ZNF584: variants seen among roughly 807,000 people sequenced by gnomAD.
ZNF584 encodes zinc finger protein 584.
ZNF584 carries 12 observed loss-of-function variants against 14.7 expected under a neutral mutation model. The observed-to-expected ratio is 0.82, with a 90% CI of 0.52 to 1.32. The LOEUF is 1.32. ZNF584 is among the 40% of genes most tolerant of loss of function. The pLI is 0.00. For missense variants in ZNF584, 478 were observed against 518.8 expected (o/e 0.92, Z 0.76); for synonymous variants, 204 against 190.9 (o/e 1.07, Z -0.57).
At chr19:58,410,778 ATTTTTTTTTTTTTTTTT>A (rs869150389) in intron 2 of ZNF584, among the ~76,000 whole-genome samples, 1 of 8,948 alleles carries the variant, frequency 1.1e-4, no homozygotes. Flanking sequence ...TATATATATA[ATTTTTTTTTTTTTTTTT>A]TTTTTTTTTT....
upstream of ZNF584, among the ~76,000 whole-genome samples, chr19:58,403,953 C>T (rs911708934): frequency 8.5e-5 from 11 of 129,580 alleles, no homozygotes; most frequent in African/African-American, 3.2e-4. Flanking sequence ...AGAGCAACTC[C>T]GTCTCAAAAA....
At position 58,416,886 on chromosome 19, in the gene ZNF584, A is replaced by C. The variant is rs1249220951; in HGVS notation, c.368A>C (p.Asp123Ala). 6 of 1,609,452 alleles carry C rather than the reference A, an allele frequency of 3.7e-6. No homozygotes were observed. The highest frequency in any genetic ancestry group is 5.1e-6 in the Non-Finnish European group (6 of 1,177,714). The change falls in exon 4 of 4, where the codon GAC becomes GCC. Residue 123 changes from aspartate to alanine, a missense_variant. Asp to Ala is a moderately radical substitution (Grantham distance 126). Transcript: ENST00000306910. ...LKSYRVIQHQ[D>A]THSEGKPRRH... ...AGCTACAGAGTCATCCAGCACCAGG[A>C]CACTCATAGTGAGGGGAAACCAAGA... is the stretch of plus-strand genomic sequence containing the variant.
chr19:58,410,717 A>ATATATG (rs2052555739), intron 2 of ZNF584, among the ~76,000 whole-genome samples: 1 of 46,350 alleles, frequency 2.2e-5, no homozygotes, highest in Admixed American at 2.1e-4. Context: ...ATATATGTGT[A>ATATATG]TATATATATG....
intron 2 of ZNF584, among the ~76,000 whole-genome samples, chr19:58,410,434 G>T (rs1317193276): frequency 6.7e-6 from 1 of 149,250 alleles, no homozygotes; most frequent in Non-Finnish European, 1.5e-5. Context: ...TGTGCTCTGG[G>T]TTTTGCCTCC....
chr19:58,417,774 T>C lies in ZNF584; in HGVS notation c.1256T>C (p.Val419Ala). The C allele has an allele frequency of 1.2e-6, 2 of 1,604,814 alleles. No homozygotes were observed. Among genetic ancestry groups the C allele is most frequent in the Non-Finnish European group, 1.7e-6 (2 of 1,174,938 alleles). The change falls in exon 4 of 4, where the codon GTT becomes GCT. Residue 419 changes from valine to alanine, a missense_variant. This residue lies in a region of ZNF584 where 283 missense variants were observed against 317.3 expected (regional missense o/e 0.89). Coordinates refer to ENST00000306910, the MANE Select transcript of ZNF584 (RefSeq NM_173548.3). ...RQEDRAHGKV[V>A]SC ...GAGGACAGGGCACATGGGAAGGTCG[T>C]TAGCTGCTAGCACCGTGTTCATCAG...
chr19:58,405,686 G>GGGTCTCCTC (rs2052466166), upstream of ZNF584: 1 of 174,244 alleles, frequency 5.7e-6, no homozygotes, highest in African/African-American at 2.4e-5. Flanking sequence ...GCCGGGCAGA[G>GGGTCTCCTC]ACGCTCCTCA....
At chr19:58,415,908 C>T (rs377727629) in intron 3 of ZNF584, 36 of 1,598,866 alleles carry the variant, frequency 2.3e-5, no homozygotes, top group African/African-American at 4.0e-5. Flanking sequence ...CGACTCAGTG[C>T]GTGTCTTGAA....
At chr19:58,416,460 G>A (rs1452727029) in intron 3 of ZNF584, 1 of 180,474 alleles carries the variant, frequency 5.5e-6, no homozygotes, top group Non-Finnish European at 1.2e-5. Flanking sequence ...CTGGAGTGCA[G>A]TGGCGCGATC....
intron 3 of ZNF584, chr19:58,416,069 T>A (rs2052638760): frequency 8.9e-7 from 1 of 1,124,160 alleles, no homozygotes; most frequent in East Asian, 2.6e-5. Context: ...AAGGCCCTGC[T>A]GAAACCCTTT....
chr19:58,418,045 G>C lies in ZNF584; in HGVS notation c.*261G>C. 2.0e-6 allele frequency: 1 copy of C among 499,586 alleles called. No individual in the cohort carries two copies. The highest frequency in any genetic ancestry group is 2.7e-5 in the South Asian group (1 of 37,064). The allele number at this position is 499,586 out of a possible 1,614,324, so 30.9% of individuals were successfully genotyped here. A position where few individuals can be genotyped will look rare whatever the true frequency, so the allele number is the denominator to read the frequency against. ...CCCATAAGGTCCCTACAGCAAGTGG[G>C]ACAGCAGACCTTGTGCTCCTTGCTC... is the stretch of plus-strand genomic sequence containing the variant. On this transcript the variant is annotated 3_prime_UTR_variant, in exon 4 of 4. Transcript: ENST00000306910.
rs2052578050 is a variant in ZNF584 at position 58,411,937 on chromosome 19, CA to C, written c.169+1847del. ...GTTGATTTTCATATGTTCAACCTTG[CA>C]TTACTGGGATAAATTCCCTGTCATG... On this transcript the variant is annotated intron_variant, in intron 2 of 3. Coordinates refer to ENST00000306910, the MANE Select transcript of ZNF584 (RefSeq NM_173548.3). Among the ~76,000 whole-genome samples the C allele has an allele frequency of 2.0e-5, 3 of 147,820 alleles. No individual in the cohort carries two copies. In the East Asian group the frequency reaches 6.0e-4, roughly 30 times the overall value.
intron 3 of ZNF584, chr19:58,416,003 A>G: frequency 2.6e-6 from 4 of 1,565,226 alleles, no homozygotes; most frequent in Non-Finnish European, 2.6e-6. Context: ...TTGGAATCAC[A>G]TTTTGCTGGG....
rs2122209937 is a variant in ZNF584, at chr19:58,409,983, G to C, written c.61G>C (p.Asp21His). 6.2e-7 allele frequency: 1 copy of C among 1,614,078 alleles called. No individual in the cohort carries two copies. The highest frequency in any genetic ancestry group is 1.1e-5 in the South Asian group (1 of 91,074). Residue 21 changes from aspartate to histidine, a missense_variant, in exon 2 of 4, where the codon GAT becomes CAT. Physicochemically the swap from Asp to His is moderately conservative, Grantham distance 81. Coordinates refer to ENST00000306910, the MANE Select transcript of ZNF584 (RefSeq NM_173548.3). Reference sequence around the variant, plus strand: ...ATTGCAGGGCTTGGTGATGTTTGAGGATGTGACGGTATATTTCTCCAGGGA... The same window carrying C: ...ATTGCAGGGCTTGGTGATGTTTGAGCATGTGACGGTATATTTCTCCAGGGA... ...PSLQGLVMFEDVTVYFSREEW... is the reference protein window; with the variant it reads ...PSLQGLVMFEHVTVYFSREEW...
upstream of ZNF584, among the ~76,000 whole-genome samples, chr19:58,403,727 T>C (rs1253886753): frequency 6.6e-6 from 1 of 151,984 alleles, no homozygotes; most frequent in East Asian, 1.9e-4. Flanking sequence ...TCCCAGCATT[T>C]TGGGAGGCTG....
intron 1 of ZNF584, 137 bp downstream of exon 1, chr19:58,409,302 C>G: frequency 9.5e-7 from 1 of 1,057,018 alleles, no homozygotes; most frequent in Non-Finnish European, 1.3e-6. Context: ...TGGGGCATGC[C>G]CTTGGCAGTG....
chr19:58,416,122 A>G (rs11667723), intron 3 of ZNF584: 114,955 of 620,446 alleles, frequency 0.19, 11,728 homozygotes, highest in Non-Finnish European at 0.21. Context: ...TCCCTGCACC[A>G]TATCCTATCT....
chr19:58,415,717 C>T lies in ZNF584; in HGVS notation c.292+71C>T, dbSNP rs549449720. Reference sequence around the variant, plus strand: ...CAGAATGCTGAGTACCTGCATACACCGATACCTTGGTGTTGAGGGCAGTGA... The same window carrying T: ...CAGAATGCTGAGTACCTGCATACACTGATACCTTGGTGTTGAGGGCAGTGA... On this transcript the variant is annotated intron_variant, in intron 3 of 3. Coordinates refer to ENST00000306910, the MANE Select transcript of ZNF584 (RefSeq NM_173548.3). 8.0e-5 allele frequency: 129 copies of T among 1,609,124 alleles called. No individual in the cohort carries two copies. The African/African-American group carries it at 9.1e-4, about 11-fold the overall frequency.
chr19:58,404,017 A>G (rs2052447629), upstream of ZNF584, among the ~76,000 whole-genome samples: 1 of 152,020 alleles, frequency 6.6e-6, no homozygotes, highest in South Asian at 2.1e-4. Context: ...GTGCCAGGAA[A>G]AACATAAATG....
At chr19:58,414,856 T>C (rs1322197802) in intron 2 of ZNF584, among the ~76,000 whole-genome samples, 2 of 151,452 alleles carry the variant, frequency 1.3e-5, no homozygotes, top group African/African-American at 4.8e-5. Flanking sequence ...GTTATGTCAG[T>C]TTTGCTTCAT....
Sources: gnomAD v4.1 joint callset for allele counts (sites outside exome capture counted in the v4.1 genomes callset) on GRCh38, gnomAD v4.1.1 for gene constraint, gnomAD v4.1.1 regional missense constraint, MANE v1.5 for transcripts, NCBI Gene and HGNC (gene_info 2026-07-23, HGNC 2026-07-21) for gene names.